The following DLG1 variants were observed in gnomAD, a reference collection of about 807,000 sequenced individuals.
DLG1 encodes the protein discs large MAGUK scaffold protein 1, also known as disks large homolog 1.
A neutral mutation model predicts 123.4 loss-of-function variants in DLG1; 42 were observed. The ratio of observed to expected loss-of-function variants is 0.34; its 90% CI spans 0.27 to 0.44. The LOEUF (loss-of-function observed/expected upper bound fraction) is 0.44. Ranked by LOEUF, DLG1 falls within the 20% of genes least tolerant of loss-of-function variation. The probability of loss-of-function intolerance (pLI) is 1.00; values close to 1 mark genes in which losing one functional copy is unlikely to be tolerated. For missense variants in DLG1, 942 were observed against 1,082.6 expected, an observed-to-expected ratio of 0.87 and a Z score of 1.82; for synonymous variants, 317 against 356.2, an observed-to-expected ratio of 0.89 and a Z score of 1.24.
At chr3:197,294,334 T>C (rs1265822982) in intron 3 of DLG1, among the ~76,000 whole-genome samples, 1 of 152,086 alleles carries the variant, frequency 6.6e-6, no homozygotes, top group Non-Finnish European at 1.5e-5. Context: ...GATTCACAAA[T>C]ATAAACTTAG....
intron 22 of DLG1, among the ~76,000 whole-genome samples, chr3:197,064,629 T>A (rs1738290361): frequency 1.3e-5 from 2 of 152,194 alleles, no homozygotes; most frequent in South Asian, 4.1e-4. Flanking sequence ...CTGGTCTCTG[T>A]TCCCTGTTTT....
At chr3:197,082,836 T>G (rs1752017768) in intron 16 of DLG1, among the ~76,000 whole-genome samples, 1 of 152,176 alleles carries the variant, frequency 6.6e-6, no homozygotes, top group Admixed American at 6.5e-5. Context: ...TTGCTTGCTT[T>G]AAAACACAAT....
intron 5 of DLG1, among the ~76,000 whole-genome samples, chr3:197,164,116 G>C (rs962738743): frequency 1.3e-5 from 2 of 151,984 alleles, no homozygotes; most frequent in Non-Finnish European, 2.9e-5. Context: ...ACTTGGCCAG[G>C]CACAGTGGTT....
intron 4 of DLG1, among the ~76,000 whole-genome samples, chr3:197,209,922 T>C (rs1158458341): frequency 6.8e-6 from 1 of 146,592 alleles, no homozygotes; most frequent in Non-Finnish European, 1.5e-5. Flanking sequence ...TCAGTGCTTA[T>C]TGTCACACAT....
intron 4 of DLG1, among the ~76,000 whole-genome samples, chr3:197,252,864 T>C (rs1205132272): frequency 6.6e-6 from 1 of 152,144 alleles, no homozygotes; most frequent in Non-Finnish European, 1.5e-5. Flanking sequence ...ATCGTCCTCT[T>C]TGCGCAGTGG....
At chr3:197,204,337 T>C (rs2150351495) in intron 4 of DLG1, among the ~76,000 whole-genome samples, 1 of 152,342 alleles carries the variant, frequency 6.6e-6, no homozygotes, top group South Asian at 2.1e-4. Context: ...TTGCTTGTTT[T>C]CCTGAACACG....
chr3:197,287,970 T>C (rs762281971), intron 3 of DLG1, among the ~76,000 whole-genome samples: 58 of 152,200 alleles, frequency 3.8e-4, no homozygotes, highest in East Asian at 1.9e-4. Flanking sequence ...CCTAAGAATA[T>C]AGTAAAGAAT....
At chr3:197,222,226 T>C (rs1737489990) in intron 4 of DLG1, among the ~76,000 whole-genome samples, 2 of 152,124 alleles carry the variant, frequency 1.3e-5, no homozygotes, top group African/African-American at 4.8e-5. Context: ...TTTTAATCAA[T>C]GAAATATACG....
At chr3:197,268,660 T>C (rs193177407) in intron 4 of DLG1, among the ~76,000 whole-genome samples, 1 of 152,098 alleles carries the variant, frequency 6.6e-6, no homozygotes, top group Admixed American at 6.5e-5. Context: ...TAGAAAAATG[T>C]TTTTCTTTCT....
In DLG1 at chr3:197,065,258, G is replaced by C; in HGVS notation, c.2373+18C>G. ...TATCTGATTAGAAGCTATATTCTGGGATTAGTCTGATGCTTACCTTTTCTG... is the reference window on the plus strand; with the variant it reads ...TATCTGATTAGAAGCTATATTCTGGCATTAGTCTGATGCTTACCTTTTCTG... On this transcript the variant is annotated intron_variant, in intron 22 of 24. Coordinates refer to ENST00000667157, the MANE Select transcript of DLG1 (RefSeq NM_001366207.1). 1.3e-6 allele frequency: 2 copies of C among 1,584,738 alleles called. No homozygotes were observed. The highest frequency in any genetic ancestry group is 8.6e-7 in the Non-Finnish European group (1 of 1,168,528).
rs142865849 is a variant in DLG1 at position 197,178,233 on chromosome 3, A to G, written c.483+16192T>C. On this transcript the variant is annotated intron_variant, in intron 5 of 24. Transcript: ENST00000667157. ...TGTCTACTGCTGTAGTTCAGGCAAC[A>G]TATTATTGAATCAGTAGTTGCAGAA... Among the ~76,000 whole-genome samples the G allele has an allele frequency of 9.7e-3, 1,485 of 152,308 alleles. 17 individuals are homozygous for G. Among genetic ancestry groups the G allele is most frequent in the African/African-American group, 0.023 (963 of 41,576 alleles).
chr3:197,056,713 A>T (rs1316208024), intron 23 of DLG1, among the ~76,000 whole-genome samples: 1 of 152,222 alleles, frequency 6.6e-6, no homozygotes, highest in Non-Finnish European at 1.5e-5. Context: ...GAAAAATCGT[A>T]TCATACAGCT....
intron 23 of DLG1, 127 bp from the exon 24 acceptor site, chr3:197,051,795 G>T: frequency 7.0e-5 from 35 of 499,232 alleles, no homozygotes; most frequent in South Asian, 1.9e-4. Flanking sequence ...AAATATGAAT[G>T]TCATTAAAAA....
intron 3 of DLG1, among the ~76,000 whole-genome samples, chr3:197,291,903 TGAA>T (rs1391014661): frequency 3.3e-5 from 5 of 152,188 alleles, no homozygotes; most frequent in Non-Finnish European, 5.9e-5. Flanking sequence ...TACATACACT[TGAA>T]GAGGAGTCAT....
chr3:197,237,761 T>G (rs1746759858), intron 4 of DLG1, among the ~76,000 whole-genome samples: 1 of 152,102 alleles, frequency 6.6e-6, no homozygotes, highest in Admixed American at 6.5e-5. Context: ...TTCCCCACTA[T>G]CCAGCAGTAA....
Position 197,271,477 on chromosome 3 carries a change from ATAAAT to A in DLG1, c.318+11197_318+11201del, listed in dbSNP as rs367948941. The stretch of plus-strand genomic sequence containing the variant: ...TGCTCTCTAGGAATGAACTCTCTAA[ATAAAT>A]TAATAGCACCTAAGCCCTCTGCCTC... On this transcript the variant is annotated intron_variant, in intron 4 of 24. Transcript: ENST00000667157. Among the ~76,000 whole-genome samples the A allele has an allele frequency of 1.7e-3, 266 of 152,350 alleles. 2 individuals are homozygous for A. The highest frequency in any genetic ancestry group is 6.0e-3 in the African/African-American group (248 of 41,576).
intron 5 of DLG1, 71 bp downstream of exon 5, chr3:197,194,354 C>T (rs1186113737): frequency 9.6e-7 from 1 of 1,041,590 alleles, no homozygotes; most frequent in African/African-American, 1.7e-5. Flanking sequence ...ATACTTCTCT[C>T]CGAGCATGAG....
In DLG1 at chr3:197,057,478, T is replaced by C. The variant is rs1732564972; in HGVS notation, c.2483+2411A>G. Among the ~76,000 whole-genome samples the C allele has an allele frequency of 2.0e-5, 3 of 152,208 alleles. No homozygotes were observed. In the South Asian group the frequency reaches 6.2e-4, roughly 32 times the overall value. On this transcript the variant is annotated intron_variant, in intron 23 of 24. Coordinates refer to ENST00000667157, the MANE Select transcript of DLG1 (RefSeq NM_001366207.1). ...TGGAGTGTGCGTCTAAGAATATGAC[T>C]TCTGGGTCATAACTCGTGCATGTTC...
intron 18 of DLG1, among the ~76,000 whole-genome samples, chr3:197,072,218 CAAT>C (rs1295368711): frequency 1.3e-5 from 2 of 151,900 alleles, no homozygotes; most frequent in African/African-American, 4.8e-5. Flanking sequence ...TGTTATTACT[CAAT>C]AATATTATAA....
Sources: gnomAD v4.1 joint callset for allele counts (sites outside exome capture counted in the v4.1 genomes callset) on GRCh38, gnomAD v4.1.1 for gene constraint, MANE v1.5 for transcripts, NCBI Gene and HGNC (gene_info 2026-07-23, HGNC 2026-07-21) for gene names.